ROBO2: variants seen among roughly 807,000 people sequenced by gnomAD.
ROBO2 encodes the protein roundabout homolog 2.
In ROBO2, 53 loss-of-function variants were observed where a neutral mutation model predicts 160.8. That is an observed-to-expected ratio of 0.33 (90% confidence interval 0.26 to 0.41). ROBO2 has a LOEUF of 0.41. ROBO2 is among the 10% of genes least tolerant of loss of function. The pLI is 1.00. For synonymous variants in ROBO2, 664 were observed against 611.7 expected, an observed-to-expected ratio of 1.09 and a Z score of -1.26; for missense variants, 1,577 against 1,722.4, an observed-to-expected ratio of 0.92 and a Z score of 1.49.
chr3:77,176,557 G>T (rs1435578516), intron 2 of ROBO2, among the ~76,000 whole-genome samples: 1 of 151,958 alleles, frequency 6.6e-6, no homozygotes, highest in Non-Finnish European at 1.5e-5. Flanking sequence ...CATTCTAGAA[G>T]CATATATCAT....
chr3:76,170,545 C>G (rs976006847), intron 2 of ROBO2, among the ~76,000 whole-genome samples: 2 of 152,058 alleles, frequency 1.3e-5, no homozygotes, highest in African/African-American at 4.8e-5. Flanking sequence ...TACAGTGAAA[C>G]AAATATAGGC....
At position 76,560,743 on chromosome 3, in the gene ROBO2, T is replaced by G. The variant is rs970014596; in HGVS notation, c.110-537271T>G. ...TCTAAGGCTTTTCTTCAAGTAAAAA[T>G]GCCTTCCATCACAATCAGCTTATTA... is the stretch of plus-strand genomic sequence containing the variant. On this transcript the variant is annotated intron_variant, in intron 2 of 26. Coordinates refer to the ROBO2 transcript ENST00000487694. Among the ~76,000 whole-genome samples, 14 of 150,888 alleles carry G rather than the reference T, an allele frequency of 9.3e-5. 1 individual carries two copies. The Admixed American group carries it at 9.3e-4, about 10-fold the overall frequency.
chr3:77,385,697 T>G (rs547508526), intron 2 of ROBO2, among the ~76,000 whole-genome samples: 20 of 152,282 alleles, frequency 1.3e-4, no homozygotes, highest in African/African-American at 3.6e-4. Context: ...GATGAATTCC[T>G]CAAGTGAAAT....
At chr3:76,024,851 C>G (rs1032370752) in intron 2 of ROBO2, among the ~76,000 whole-genome samples, 1 of 151,274 alleles carries the variant, frequency 6.6e-6, no homozygotes, top group Non-Finnish European at 1.5e-5. Context: ...TGATGGAACT[C>G]TTTCATTTTG....
At chr3:77,117,974 C>T (rs1240584303) in intron 2 of ROBO2, among the ~76,000 whole-genome samples, 1 of 152,154 alleles carries the variant, frequency 6.6e-6, no homozygotes, top group Non-Finnish European at 1.5e-5. Context: ...AAGGATTGAG[C>T]TCTTTGACAT....
chr3:76,472,923 T>C (rs765617193), intron 2 of ROBO2, among the ~76,000 whole-genome samples: 3 of 152,194 alleles, frequency 2.0e-5, no homozygotes, highest in Non-Finnish European at 4.4e-5. Context: ...TAATCCATGC[T>C]GTCGGTGTCT....
At chr3:76,852,734 A>T (rs1178287581) in intron 2 of ROBO2, among the ~76,000 whole-genome samples, 1 of 152,174 alleles carries the variant, frequency 6.6e-6, no homozygotes, top group Non-Finnish European at 1.5e-5. Flanking sequence ...GGATGATTAA[A>T]TATATTTCAT....
chr3:76,660,887 A>G (rs1423883991), intron 2 of ROBO2, among the ~76,000 whole-genome samples: 3 of 152,304 alleles, frequency 2.0e-5, no homozygotes, highest in South Asian at 2.1e-4. Context: ...TTCATCAACT[A>G]AAGTTTTCTC....
intron 2 of ROBO2, among the ~76,000 whole-genome samples, chr3:77,169,085 G>C (rs1276905065): frequency 6.6e-6 from 1 of 152,146 alleles, no homozygotes; most frequent in African/African-American, 2.4e-5. Flanking sequence ...TGCTCTGATT[G>C]CATCCACACG....
intron 2 of ROBO2, among the ~76,000 whole-genome samples, chr3:76,088,462 C>T (rs2069104254): frequency 6.6e-6 from 1 of 151,928 alleles, no homozygotes; most frequent in Admixed American, 6.6e-5. Context: ...TAGATTACAT[C>T]TGAACAATAA....
intron 2 of ROBO2, among the ~76,000 whole-genome samples, chr3:77,107,358 C>A (rs2072948728): frequency 6.6e-6 from 1 of 152,172 alleles, no homozygotes; most frequent in Admixed American, 6.6e-5. Flanking sequence ...CAATGACAGA[C>A]AGGGCCTGGA....
In ROBO2 at chr3:77,164,323, T is replaced by C. The variant is rs550767005; in HGVS notation, c.388+65983T>C. ...TAGCATTAGTGACATTCCATATTTA[T>C]CATTTGCACATTTAAATAGTAGGGC... On this transcript the variant is annotated intron_variant, in intron 2 of 25. Transcript: ENST00000461745. Among the ~76,000 whole-genome samples, 13 of 152,328 alleles carry C rather than the reference T, an allele frequency of 8.5e-5. No homozygotes were observed. In the South Asian group the frequency reaches 2.7e-3, roughly 32 times the overall value.
chr3:75,956,060 AT>A (rs1245566098), intron 2 of ROBO2, among the ~76,000 whole-genome samples: 1 of 151,832 alleles, frequency 6.6e-6, no homozygotes. Flanking sequence ...AGTGCTTTAC[AT>A]CACTGTTGGC....
At chr3:77,632,385 G>C (rs2095181495) in intron 23 of ROBO2, 1 of 916,152 alleles carries the variant, frequency 1.1e-6, no homozygotes, top group African/African-American at 1.7e-5. Context: ...AAGAAGCATG[G>C]ACAACTTACT....
At chr3:76,900,020 A>G (rs2075103284) in intron 2 of ROBO2, among the ~76,000 whole-genome samples, 2 of 152,108 alleles carry the variant, frequency 1.3e-5, no homozygotes, top group Admixed American at 1.3e-4. Context: ...TAAACTTACA[A>G]TTCCACGTGG....
intron 2 of ROBO2, among the ~76,000 whole-genome samples, chr3:75,987,036 G>T (rs2065433063): frequency 6.6e-6 from 1 of 151,628 alleles, no homozygotes; most frequent in Admixed American, 6.6e-5. Flanking sequence ...TTTCAAGATT[G>T]TTTTGGCTAT....
intron 23 of ROBO2, among the ~76,000 whole-genome samples, chr3:77,624,607 G>A (rs887968654): frequency 1.3e-5 from 2 of 152,094 alleles, no homozygotes; most frequent in Admixed American, 6.5e-5. Flanking sequence ...GCTGAATGAG[G>A]TGGACAATAA....
chr3:76,216,716 C>CT (rs1020501704), intron 2 of ROBO2, among the ~76,000 whole-genome samples: 38 of 152,138 alleles, frequency 2.5e-4, no homozygotes, highest in African/African-American at 9.2e-4. Context: ...TAATGGGAGA[C>CT]TTTAACACCC....
At chr3:76,051,052 T>C (rs759176950) in intron 2 of ROBO2, among the ~76,000 whole-genome samples, 5 of 152,236 alleles carry the variant, frequency 3.3e-5, no homozygotes, top group Non-Finnish European at 7.3e-5. Context: ...TTTTATCATG[T>C]GTATAATTAT....
Sources: gnomAD v4.1 joint callset for allele counts (sites outside exome capture counted in the v4.1 genomes callset) on GRCh38, gnomAD v4.1.1 for gene constraint, MANE v1.5 for transcripts, NCBI Gene and HGNC (gene_info 2026-07-23, HGNC 2026-07-21) for gene names.